Variants in DGKB observed in about 807,000 individuals in gnomAD.
The protein encoded by DGKB is 90 kDa diacylglycerol kinase.
A neutral mutation model predicts 114.3 loss-of-function variants in DGKB; 67 were observed. That is an observed-to-expected ratio of 0.59 (90% CI 0.48 to 0.72). The LOEUF (loss-of-function observed/expected upper bound fraction) is 0.72. Among genes scored for constraint, DGKB ranks in the 30% least tolerant of loss-of-function variants. The pLI is 0.00. For synonymous variants in DGKB, 398 were observed against 323.1 expected, an observed-to-expected ratio of 1.23 and a Z score of -2.49; for missense variants, 907 against 975.2, an observed-to-expected ratio of 0.93 and a Z score of 0.93.
intron 4 of DGKB, among the ~76,000 whole-genome samples, chr7:14,740,125 C>T (rs1244835034): frequency 1.3e-5 from 2 of 152,254 alleles, no homozygotes; most frequent in Non-Finnish European, 2.9e-5. Flanking sequence ...ATACAGTCTT[C>T]CCCTCCCTTG....
chr7:14,195,770 T>C (rs1227810787), intron 23 of DGKB, among the ~76,000 whole-genome samples: 1 of 152,106 alleles, frequency 6.6e-6, no homozygotes, highest in African/African-American at 2.4e-5. Context: ...GGACAGAACA[T>C]GATGATGAGG....
At chr7:14,223,162 T>A (rs1204570802) in intron 23 of DGKB, among the ~76,000 whole-genome samples, 1 of 151,746 alleles carries the variant, frequency 6.6e-6, no homozygotes, top group African/African-American at 2.4e-5. Context: ...TGGATTCATG[T>A]CTGCCATCTT....
At chr7:14,153,136 G>C (rs965862988) in intron 25 of DGKB, among the ~76,000 whole-genome samples, 1 of 152,114 alleles carries the variant, frequency 6.6e-6, no homozygotes, top group Non-Finnish European at 1.5e-5. Context: ...AGAGGGAAGA[G>C]AGATGGGTCT....
chr7:14,268,398 A>C (rs565990494), intron 23 of DGKB, among the ~76,000 whole-genome samples: 5 of 152,220 alleles, frequency 3.3e-5, no homozygotes, highest in Non-Finnish European at 5.9e-5. Context: ...ATGAAAAACA[A>C]CATACGTATT....
chr7:14,379,835 GGC>G lies in DGKB; in HGVS notation c.1836-34446_1836-34445del, dbSNP rs1322253312. Among the ~76,000 whole-genome samples the G allele has an allele frequency of 1.9e-3, 287 of 151,272 alleles. 1 individual carries two copies. Among genetic ancestry groups the G allele is most frequent in the African/African-American group, 6.5e-3 (270 of 41,358 alleles). ...GGCCTCCCAAAGTGTTGGGATTACA[GGC>G]GTGAGCGAGCGGGCCCGGCCTTAAG... On this transcript the variant is annotated intron_variant, in intron 21 of 25. Coordinates refer to ENST00000402815, the MANE Select transcript of DGKB (RefSeq NM_001350709.2).
chr7:14,199,451 A>G (rs1049405961), intron 23 of DGKB, among the ~76,000 whole-genome samples: 1 of 152,064 alleles, frequency 6.6e-6, no homozygotes, highest in Non-Finnish European at 1.5e-5. Context: ...AAGGGCAAAA[A>G]TATGAGCATT....
chr7:14,803,694 C>G (rs1842455103), intron 2 of DGKB, among the ~76,000 whole-genome samples: 1 of 152,030 alleles, frequency 6.6e-6, no homozygotes, highest in South Asian at 2.1e-4. Context: ...CTACTAAGAT[C>G]TTTCCTCGTT....
In DGKB at chr7:14,955,319, T is replaced by C. The variant is rs532006958; in HGVS notation, c.-188+19377A>G. ...CAATTCTTGCCAAAATTAGTGCTTC[T>C]TAATTTCCTTCATAAGAATCTCATT... On this transcript the variant is annotated intron_variant, in intron 1 of 4. Coordinates refer to the DGKB transcript ENST00000437998. 1.2e-3 allele frequency among the ~76,000 whole-genome samples: 187 copies of C among 152,166 alleles called. 1 individual carries two copies. Among genetic ancestry groups the C allele is most frequent in the African/African-American group, 4.4e-3 (183 of 41,560 alleles).
intron 1 of DGKB, among the ~76,000 whole-genome samples, chr7:14,923,225 T>A (rs1784595727): frequency 6.6e-6 from 1 of 152,188 alleles, no homozygotes; most frequent in African/African-American, 2.4e-5. Context: ...TAATATTTAT[T>A]TCTGTTTTTA....
intron 23 of DGKB, among the ~76,000 whole-genome samples, chr7:14,194,645 A>G (rs1784773336): frequency 6.6e-6 from 1 of 152,132 alleles, no homozygotes. Context: ...TATGTTATAT[A>G]TGTATGCAGA....
At chr7:14,646,321 A>G (rs1812998282) in intron 13 of DGKB, among the ~76,000 whole-genome samples, 1 of 152,210 alleles carries the variant, frequency 6.6e-6, no homozygotes, top group African/African-American at 2.4e-5. Context: ...GTAAGAGGAT[A>G]TAACAATTAT....
At chr7:14,266,775 A>G (rs963423779) in intron 23 of DGKB, among the ~76,000 whole-genome samples, 2 of 152,170 alleles carry the variant, frequency 1.3e-5, no homozygotes, top group Admixed American at 1.3e-4. Context: ...GGAATATACA[A>G]TTGTTTAACT....
chr7:14,687,417 CA>C (rs1442012799), intron 9 of DGKB, among the ~76,000 whole-genome samples: 1 of 152,140 alleles, frequency 6.6e-6, no homozygotes, highest in Non-Finnish European at 1.5e-5. Context: ...AATTTTCTTT[CA>C]AAACCTAAGA....
chr7:14,737,257 G>T (rs1191121344), intron 4 of DGKB, among the ~76,000 whole-genome samples: 1 of 150,594 alleles, frequency 6.6e-6, no homozygotes, highest in African/African-American at 2.4e-5. Flanking sequence ...CAAGGGATGG[G>T]CTTTATAGGT....
At chr7:14,841,145 G>T in intron 2 of DGKB, 49 bp downstream of exon 2, 4 of 1,460,198 alleles carry the variant, frequency 2.7e-6, no homozygotes, top group African/African-American at 1.4e-5. Context: ...ATGATACTTT[G>T]TCTAGCACAA....
chr7:14,278,001 GCATTTCC>G lies in DGKB; in HGVS notation c.2122+60507_2122+60513del, dbSNP rs1271612761. Among the ~76,000 whole-genome samples, 6 of 152,118 alleles carry G rather than the reference GCATTTCC, an allele frequency of 3.9e-5. No individual in the cohort carries two copies. The East Asian group carries it at 1.2e-3, about 29-fold the overall frequency. On this transcript the variant is annotated intron_variant, in intron 23 of 25. Transcript: ENST00000402815. ...AGGTATCTCACAGTGGTCTTAATTT[GCATTTCC>G]CTAATGATAGGTAATGCTGAGAATG...
rs1198044962 is a variant in DGKB, at chr7:14,153,090, T to A, written c.2305-3852A>T. 3.3e-5 allele frequency among the ~76,000 whole-genome samples: 5 copies of A among 152,194 alleles called. No homozygotes were observed. The East Asian group carries it at 9.7e-4, about 29-fold the overall frequency. ...AATGTTTATTCCCCAGATATTTGTG[T>A]TCTCTTCAAAGACTTTGTTCAGCCC... On this transcript the variant is annotated intron_variant, in intron 25 of 25. Transcript: ENST00000402815.
At chr7:14,618,699 G>A (rs1807025847) in intron 15 of DGKB, among the ~76,000 whole-genome samples, 1 of 151,460 alleles carries the variant, frequency 6.6e-6, no homozygotes, top group African/African-American at 2.4e-5. Context: ...TCATCCTAAG[G>A]TTATACATGA....
At chr7:14,763,622 T>C (rs1272509725) in intron 2 of DGKB, among the ~76,000 whole-genome samples, 1 of 152,092 alleles carries the variant, frequency 6.6e-6, no homozygotes, top group Non-Finnish European at 1.5e-5. Context: ...AACCTCATTA[T>C]TACAACAGCT....
Sources: gnomAD v4.1 joint callset for allele counts (sites outside exome capture counted in the v4.1 genomes callset) on GRCh38, gnomAD v4.1.1 for gene constraint, MANE v1.5 for transcripts, NCBI Gene and HGNC (gene_info 2026-07-23, HGNC 2026-07-21) for gene names.